Variants in SPA17 observed in about 807,000 individuals in gnomAD.
SPA17 encodes the protein sperm surface protein Sp17.
Under a neutral mutation model 13.8 loss-of-function variants are expected in SPA17, and 7 were observed. That is an observed-to-expected ratio of 0.51 (90% CI 0.29 to 0.95). The LOEUF (loss-of-function observed/expected upper bound fraction) is 0.95, where lower values mean the gene tolerates loss of function less well. Among genes scored for constraint, SPA17 ranks in the 40% least tolerant of loss-of-function variants. The pLI is 0.08. For synonymous variants in SPA17, 61 were observed against 59.0 expected (o/e 1.03, Z -0.16); for missense variants, 170 against 179.3 (o/e 0.95, Z 0.30).
Position 124,697,077 on chromosome 11 carries a change from A to G in SPA17, c.*2631A>G, listed in dbSNP as rs1391830956. The G allele has an allele frequency of 6.6e-6, 1 of 152,190 alleles. No homozygotes were observed. The highest frequency in any genetic ancestry group is 1.5e-5 in the Non-Finnish European group (1 of 68,042). 9.4% of individuals were successfully genotyped at this position (152,190 alleles called of 1,614,324 possible). A position where few individuals can be genotyped will look rare whatever the true frequency, so the allele number is the denominator to read the frequency against. On this transcript the variant is annotated 3_prime_UTR_variant, in exon 5 of 5. Coordinates refer to ENST00000227135, the MANE Select transcript of SPA17 (RefSeq NM_017425.4). Reference sequence around the variant, plus strand: ...CTGTGGGCTGTACCTATAAAATAATACTCAGAATCTGCCTACTTCTAACCA... The same window carrying G: ...CTGTGGGCTGTACCTATAAAATAATGCTCAGAATCTGCCTACTTCTAACCA...
chr11:124,675,458 C>T lies in SPA17; in HGVS notation c.154+40C>T, dbSNP rs184073930. The T allele has an allele frequency of 5.3e-5, 84 of 1,597,184 alleles. No homozygotes were observed. The East Asian group carries it at 1.7e-3, about 32-fold the overall frequency. ...ATTAGTCATTTTTTAAAATAAGAAACTAAGCATTTGTTTATGGTAAAACTT... is the reference window on the plus strand; with the variant it reads ...ATTAGTCATTTTTTAAAATAAGAAATTAAGCATTTGTTTATGGTAAAACTT... On this transcript the variant is annotated intron_variant, in intron 2 of 4. Transcript: ENST00000227135.
intron 2 of SPA17, among the ~76,000 whole-genome samples, chr11:124,677,323 T>C (rs1270114175): frequency 6.6e-6 from 1 of 152,210 alleles, no homozygotes; most frequent in Non-Finnish European, 1.5e-5. Flanking sequence ...GCATTCATCA[T>C]AGGTGGTTAC....
chr11:124,675,565 A>C, intron 2 of SPA17, 147 bp downstream of exon 2: 1 of 763,216 alleles, frequency 1.3e-6, no homozygotes, highest in Non-Finnish European at 2.1e-6. Flanking sequence ...TTGAAACAGT[A>C]TGTACCTCTT....
intron 3 of SPA17, among the ~76,000 whole-genome samples, chr11:124,684,879 C>T (rs1223169420): frequency 6.6e-6 from 1 of 152,174 alleles, no homozygotes; most frequent in African/African-American, 2.4e-5. Context: ...ATCTGTGGAA[C>T]TTTGAACTTG....
At chr11:124,685,644 C>G (rs1945095385) in intron 3 of SPA17, among the ~76,000 whole-genome samples, 1 of 152,088 alleles carries the variant, frequency 6.6e-6, no homozygotes. Flanking sequence ...TGAAAGCAGC[C>G]AGGAAGGGAG....
rs180814654 is a variant in SPA17 at position 124,680,040 on chromosome 11, C to G, written c.155-1349C>G. 2.2e-3 allele frequency among the ~76,000 whole-genome samples: 341 copies of G among 152,216 alleles called. 1 individual carries two copies. Among genetic ancestry groups the G allele is most frequent in the African/African-American group, 7.3e-3 (304 of 41,528 alleles). ...GAAAGGAAAGAACTAAACCTTTAAC[C>G]TTTCTTTTCTGTAACAACTGTTCTT... On this transcript the variant is annotated intron_variant, in intron 2 of 4. Coordinates refer to ENST00000227135, the MANE Select transcript of SPA17 (RefSeq NM_017425.4).
chr11:124,674,441 A>G (rs570671933), intron 1 of SPA17: 1 of 152,216 alleles, frequency 6.6e-6, no homozygotes, highest in East Asian at 1.9e-4. Flanking sequence ...GACCCCTACC[A>G]CGGCCTCCGC....
At chr11:124,690,514 A>G (rs1031717646) in intron 3 of SPA17, among the ~76,000 whole-genome samples, 6 of 152,348 alleles carry the variant, frequency 3.9e-5, no homozygotes, top group African/African-American at 1.4e-4. Context: ...GTTAAAGGCT[A>G]AAATGTGCAG....
At chr11:124,683,147 A>G (rs991752326) in intron 3 of SPA17, among the ~76,000 whole-genome samples, 1 of 152,226 alleles carries the variant, frequency 6.6e-6, no homozygotes, top group African/African-American at 2.4e-5. Context: ...ACCTTCATAA[A>G]TGAAAGAGAA....
intron 3 of SPA17, among the ~76,000 whole-genome samples, chr11:124,684,423 A>G (rs1016416247): frequency 6.6e-6 from 1 of 152,082 alleles, no homozygotes; most frequent in Admixed American, 6.6e-5. Context: ...CACCATGCCC[A>G]GCTAATTTTT....
At chr11:124,686,200 GT>G (rs1490181522) in intron 3 of SPA17, among the ~76,000 whole-genome samples, 1 of 89,266 alleles carries the variant, frequency 1.1e-5, no homozygotes, top group African/African-American at 4.4e-5. Flanking sequence ...TGGGGGGGGG[GT>G]GGTTTTATAA....
rs1943658669 is a variant in SPA17 at position 124,695,045 on chromosome 11, T to G, written c.*599T>G. Reference sequence around the variant, plus strand: ...TCGCTTGAACCTGGGAAGTGGAGGCTGCAGTAAGCCGAGATCGCACCACTG... The same window carrying G: ...TCGCTTGAACCTGGGAAGTGGAGGCGGCAGTAAGCCGAGATCGCACCACTG... On this transcript the variant is annotated 3_prime_UTR_variant, in exon 5 of 5. Coordinates refer to ENST00000227135, the MANE Select transcript of SPA17 (RefSeq NM_017425.4). 1 of 152,420 alleles carries G rather than the reference T, an allele frequency of 6.6e-6. No homozygotes were observed. Among genetic ancestry groups the G allele is most frequent in the Non-Finnish European group, 1.5e-5 (1 of 68,304 alleles). 9.4% of individuals were successfully genotyped at this position (152,420 alleles called of 1,614,324 possible).
chr11:124,694,486 C>G lies in SPA17; in HGVS notation c.*40C>G, dbSNP rs781764718. The G allele has an allele frequency of 6.4e-7, 1 of 1,565,056 alleles. No homozygotes were observed. The highest frequency in any genetic ancestry group is 1.2e-5 in the South Asian group (1 of 83,206). On this transcript the variant is annotated 3_prime_UTR_variant, in exon 5 of 5. Coordinates refer to ENST00000227135, the MANE Select transcript of SPA17 (RefSeq NM_017425.4). ...CCTCCAGGAAACATGAAAAATAATCCAAATCCATCAACCTTCTTATTAATG... is the reference window on the plus strand; with the variant it reads ...CCTCCAGGAAACATGAAAAATAATCGAAATCCATCAACCTTCTTATTAATG...
At chr11:124,692,484 G>T (rs999263765) in intron 4 of SPA17, among the ~76,000 whole-genome samples, 2 of 152,092 alleles carry the variant, frequency 1.3e-5, no homozygotes, top group African/African-American at 4.8e-5. Context: ...GGAGGCTGAG[G>T]CAAGAGAATG....
intron 4 of SPA17, among the ~76,000 whole-genome samples, chr11:124,692,306 C>A (rs1453814943): frequency 6.6e-6 from 1 of 152,142 alleles, no homozygotes; most frequent in Non-Finnish European, 1.5e-5. Context: ...GGAGGCCGGG[C>A]GTGGTGGCTC....
intron 3 of SPA17, among the ~76,000 whole-genome samples, chr11:124,684,534 G>A (rs1943559185): frequency 6.6e-6 from 1 of 152,196 alleles, no homozygotes; most frequent in Admixed American, 6.5e-5. Context: ...TTACAGGCAT[G>A]AGCCACTGCT....
In SPA17 at chr11:124,695,385, T is replaced by G. The variant is rs1352785922; in HGVS notation, c.*939T>G. 6.6e-6 allele frequency: 1 copy of G among 152,164 alleles called. No individual in the cohort carries two copies. Among genetic ancestry groups the G allele is most frequent in the Non-Finnish European group, 1.5e-5 (1 of 68,042 alleles). 9.4% of individuals were successfully genotyped at this position (152,164 alleles called of 1,614,324 possible). ...CTTCTTCAGTTAAAACTTCCCAAGT[T>G]TTTAAATATACAATGGTAATGCCTG... On this transcript the variant is annotated 3_prime_UTR_variant, in exon 5 of 5. Coordinates refer to ENST00000227135, the MANE Select transcript of SPA17 (RefSeq NM_017425.4).
intron 3 of SPA17, among the ~76,000 whole-genome samples, chr11:124,687,305 C>T (rs919573044): frequency 2.0e-5 from 3 of 151,666 alleles, no homozygotes; most frequent in Middle Eastern, 3.2e-3. Context: ...TCTCCCCCAC[C>T]CCAACACCAC....
At chr11:124,686,289 A>G (rs1433269013) in intron 3 of SPA17, among the ~76,000 whole-genome samples, 2 of 151,976 alleles carry the variant, frequency 1.3e-5, no homozygotes, top group Non-Finnish European at 2.9e-5. Flanking sequence ...CTTGATTGTA[A>G]GTTTCCTGAG....
Sources: allele counts gnomAD v4.1 joint callset (sites outside exome capture counted in the v4.1 genomes callset), GRCh38; gene constraint gnomAD v4.1.1; transcripts MANE v1.5; gene names NCBI Gene and HGNC (gene_info 2026-07-23, HGNC 2026-07-21).